Variants in LSAMP observed in about 807,000 individuals in gnomAD.
The protein encoded by LSAMP is limbic system-associated membrane protein.
In LSAMP, 7 loss-of-function variants were observed where a neutral mutation model predicts 38.6. The ratio of observed to expected loss-of-function variants is 0.18; its 90% CI spans 0.10 to 0.34. LSAMP has a LOEUF of 0.34. LSAMP is among the 10% of genes least tolerant of loss of function. LSAMP has a pLI of 1.00. For synonymous variants in LSAMP, 154 were observed against 166.8 expected, an observed-to-expected ratio of 0.92 and a Z score of 0.59; for missense variants, 313 against 420.0, an observed-to-expected ratio of 0.75 and a Z score of 2.23.
intron 1 of LSAMP, among the ~76,000 whole-genome samples, chr3:116,123,194 G>C (rs1385928548): frequency 6.6e-6 from 1 of 152,184 alleles, no homozygotes; most frequent in Non-Finnish European, 1.5e-5. Flanking sequence ...ATATAACCAA[G>C]GGTGGAGTGA....
intron 1 of LSAMP, among the ~76,000 whole-genome samples, chr3:116,380,822 G>GT (rs898521856): frequency 9.2e-5 from 14 of 151,812 alleles, no homozygotes; most frequent in African/African-American, 3.1e-4. Flanking sequence ...TATAGCTTTG[G>GT]TTTTTTTGTT....
chr3:116,018,629 A>G (rs1366824672), intron 3 of LSAMP, among the ~76,000 whole-genome samples: 2 of 152,222 alleles, frequency 1.3e-5, no homozygotes, highest in Non-Finnish European at 1.5e-5. Context: ...TACATTCTAT[A>G]AAGACTGTGT....
chr3:116,107,406 C>G (rs1708492965), intron 1 of LSAMP, among the ~76,000 whole-genome samples: 1 of 152,102 alleles, frequency 6.6e-6, no homozygotes, highest in Non-Finnish European at 1.5e-5. Context: ...AGCCGCTGCA[C>G]GCAGACATGA....
chr3:116,403,852 G>C (rs993269531), intron 1 of LSAMP, among the ~76,000 whole-genome samples: 1 of 151,870 alleles, frequency 6.6e-6, no homozygotes. Flanking sequence ...CTGGGCTCAA[G>C]CAATCCTCCA....
At chr3:115,979,974 T>C (rs976025712) in intron 3 of LSAMP, among the ~76,000 whole-genome samples, 6 of 152,152 alleles carry the variant, frequency 3.9e-5, no homozygotes, top group African/African-American at 1.4e-4. Context: ...ACATAGTCTG[T>C]TAAGTTAAAT....
At chr3:116,344,179 T>C (rs1400033758) in intron 1 of LSAMP, among the ~76,000 whole-genome samples, 1 of 152,156 alleles carries the variant, frequency 6.6e-6, no homozygotes, top group Non-Finnish European at 1.5e-5. Context: ...ATGGATTGGC[T>C]ACAAGTTTTA....
intron 1 of LSAMP, chr3:116,367,978 A>T (rs2048378070): frequency 6.6e-6 from 1 of 152,176 alleles, no homozygotes; most frequent in Non-Finnish European, 1.5e-5. Context: ...CTCGAAATCT[A>T]CTGGTCTCTA....
At chr3:116,138,228 C>T (rs774156067) in intron 1 of LSAMP, among the ~76,000 whole-genome samples, 10 of 152,026 alleles carry the variant, frequency 6.6e-5, no homozygotes, top group South Asian at 2.1e-4. Context: ...AAAAATTATG[C>T]GGCTTTTAGT....
chr3:116,167,772 T>C (rs961588192), intron 1 of LSAMP, among the ~76,000 whole-genome samples: 5 of 152,192 alleles, frequency 3.3e-5, no homozygotes, highest in Non-Finnish European at 7.3e-5. Flanking sequence ...ATATACAACA[T>C]ACTATGTATA....
chr3:115,835,318 G>A (rs942240967), intron 6 of LSAMP, among the ~76,000 whole-genome samples: 3 of 152,006 alleles, frequency 2.0e-5, no homozygotes, highest in African/African-American at 4.8e-5. Flanking sequence ...GAACACTGAG[G>A]TCTTAGCTTA....
At chr3:116,389,111 G>T (rs1004262006) in intron 1 of LSAMP, among the ~76,000 whole-genome samples, 1 of 152,132 alleles carries the variant, frequency 6.6e-6, no homozygotes, top group Non-Finnish European at 1.5e-5. Context: ...GTTTTTAGCA[G>T]TCAGACAGGA....
intron 1 of LSAMP, among the ~76,000 whole-genome samples, chr3:116,427,125 T>C (rs2049208666): frequency 7.0e-6 from 1 of 143,884 alleles, no homozygotes; most frequent in Admixed American, 6.9e-5. Flanking sequence ...TTTTTTTTTT[T>C]TTTTTTGAGA....
At chr3:116,078,416 C>T (rs1337097276) in intron 2 of LSAMP, among the ~76,000 whole-genome samples, 2 of 151,980 alleles carry the variant, frequency 1.3e-5, no homozygotes, top group Non-Finnish European at 2.9e-5. Flanking sequence ...GCTCCGCCTC[C>T]CGGGTTCACT....
intron 2 of LSAMP, among the ~76,000 whole-genome samples, chr3:116,036,629 A>C (rs1411267802): frequency 1.3e-5 from 2 of 152,192 alleles, no homozygotes; most frequent in Non-Finnish European, 2.9e-5. Flanking sequence ...GAGCCTGGAA[A>C]TTTGGCAATC....
intron 1 of LSAMP, among the ~76,000 whole-genome samples, chr3:116,289,310 TACCATA>T (rs1406852146): frequency 1.3e-5 from 2 of 152,236 alleles, no homozygotes; most frequent in Admixed American, 1.3e-4. Flanking sequence ...ATTCACAATG[TACCATA>T]ACATATGAAA....
intron 1 of LSAMP, among the ~76,000 whole-genome samples, chr3:116,265,839 C>G (rs1159233848): frequency 6.6e-6 from 1 of 152,212 alleles, no homozygotes; most frequent in Non-Finnish European, 1.5e-5. Context: ...TTGACCTGGA[C>G]TAGTCCAATA....
chr3:116,160,379 G>A lies in LSAMP; in HGVS notation c.156-73823C>T, dbSNP rs111659536. On this transcript the variant is annotated intron_variant, in intron 1 of 6. Transcript: ENST00000490035. ...GTGCCATTGCACTTCAGCCTGGGCA[G>A]TAAGAGCAAAACTCTGTTGAAAGAA... 4.2e-3 allele frequency among the ~76,000 whole-genome samples: 614 copies of A among 145,710 alleles called. 5 individuals carry two copies. The highest frequency in any genetic ancestry group is 0.013 in the African/African-American group (534 of 39,942).
At chr3:116,170,335 T>C (rs1242154282) in intron 1 of LSAMP, among the ~76,000 whole-genome samples, 1 of 152,180 alleles carries the variant, frequency 6.6e-6, no homozygotes, top group African/African-American at 2.4e-5. Context: ...TGGCATAAGA[T>C]AGCAGAATAT....
intron 1 of LSAMP, among the ~76,000 whole-genome samples, chr3:116,399,113 G>A (rs2048807305): frequency 6.6e-6 from 1 of 152,124 alleles, no homozygotes; most frequent in African/African-American, 2.4e-5. Flanking sequence ...GGAGAAAGTA[G>A]GCAGAAAATG....
Sources: gnomAD v4.1 joint callset for allele counts (sites outside exome capture counted in the v4.1 genomes callset) on GRCh38, gnomAD v4.1.1 for gene constraint, MANE v1.5 for transcripts, NCBI Gene and HGNC (gene_info 2026-07-23, HGNC 2026-07-21) for gene names.